MMP16: variants seen among roughly 807,000 people sequenced by gnomAD.
The protein encoded by MMP16 is matrix metalloproteinase-16.
Under a neutral mutation model 67.8 loss-of-function variants are expected in MMP16, and 12 were observed. The ratio of observed to expected loss-of-function variants is 0.18; its 90% CI spans 0.11 to 0.29. The LOEUF is 0.29. Among genes scored for constraint, MMP16 ranks in the 10% least tolerant of loss-of-function variants. The pLI is 1.00. For missense variants in MMP16, 475 were observed against 765.7 expected (o/e 0.62, Z 4.48); for synonymous variants, 249 against 255.9 (o/e 0.97, Z 0.26).
At chr8:88,136,958 T>C (rs1177545634) in intron 4 of MMP16, among the ~76,000 whole-genome samples, 1 of 151,888 alleles carries the variant, frequency 6.6e-6, no homozygotes, top group Non-Finnish European at 1.5e-5. Context: ...AATACATATG[T>C]TTGTGTATGT....
At chr8:88,288,364 T>C (rs1199170110) in intron 1 of MMP16, among the ~76,000 whole-genome samples, 2 of 152,162 alleles carry the variant, frequency 1.3e-5, no homozygotes, top group Non-Finnish European at 2.9e-5. Context: ...TTTCTTTTTT[T>C]TTCCAGAAAA....
chr8:88,138,384 T>C (rs1808157995), intron 4 of MMP16, among the ~76,000 whole-genome samples: 1 of 152,054 alleles, frequency 6.6e-6, no homozygotes, highest in Non-Finnish European at 1.5e-5. Context: ...ACTCTAATTT[T>C]CGTAGCCTCA....
At chr8:88,194,228 A>C (rs1809215519) in intron 2 of MMP16, among the ~76,000 whole-genome samples, 1 of 152,104 alleles carries the variant, frequency 6.6e-6, no homozygotes, top group Admixed American at 6.6e-5. Context: ...TCTGCCAAAA[A>C]AGGATATAAT....
Position 88,151,524 on chromosome 8 carries a change from C to T in MMP16, c.709+16145G>A, listed in dbSNP as rs1470683309. Among the ~76,000 whole-genome samples, 54 of 146,722 alleles carry T rather than the reference C, an allele frequency of 3.7e-4. 1 individual carries two copies. In the Middle Eastern group the frequency reaches 0.024, roughly 67 times the overall value. ...TTATAACAAACTATCTCTCAGACCACAGTGCAATCAAACTAGAACTCAGGA... is the reference window on the plus strand; with the variant it reads ...TTATAACAAACTATCTCTCAGACCATAGTGCAATCAAACTAGAACTCAGGA... On this transcript the variant is annotated intron_variant, in intron 4 of 9. Coordinates refer to ENST00000286614, the MANE Select transcript of MMP16 (RefSeq NM_005941.5).
chr8:88,148,748 T>G (rs1440602372), intron 4 of MMP16, among the ~76,000 whole-genome samples: 2 of 151,718 alleles, frequency 1.3e-5, no homozygotes, highest in Non-Finnish European at 2.9e-5. Flanking sequence ...AAGAAGAATC[T>G]CTGGAATATT....
chr8:88,297,739 A>G (rs1037625400), intron 1 of MMP16, among the ~76,000 whole-genome samples: 6 of 152,228 alleles, frequency 3.9e-5, no homozygotes, highest in African/African-American at 1.4e-4. Context: ...GACTTTAGTT[A>G]GCCAAGTTTC....
intron 9 of MMP16, among the ~76,000 whole-genome samples, chr8:88,046,322 A>G (rs1808198702): frequency 6.6e-6 from 1 of 152,162 alleles, no homozygotes; most frequent in Non-Finnish European, 1.5e-5. Flanking sequence ...TGGCACCTCT[A>G]TCTTCCTTGT....
chr8:88,121,412 G>A (rs1001376635), intron 4 of MMP16, among the ~76,000 whole-genome samples: 3 of 151,952 alleles, frequency 2.0e-5, no homozygotes, highest in Non-Finnish European at 4.4e-5. Flanking sequence ...AACCTTACTT[G>A]CAGCTTCACA....
chr8:88,131,028 A>G (rs1808019477), intron 4 of MMP16, among the ~76,000 whole-genome samples: 1 of 151,780 alleles, frequency 6.6e-6, no homozygotes, highest in African/African-American at 2.4e-5. Context: ...ATTAATGGGA[A>G]GCAGTTGCTT....
intron 3 of MMP16, among the ~76,000 whole-genome samples, chr8:88,174,324 G>T (rs566783646): frequency 2.0e-5 from 3 of 152,186 alleles, no homozygotes; most frequent in Admixed American, 1.3e-4. Context: ...AAGAGAAAAA[G>T]AACTTACTGT....
intron 6 of MMP16, among the ~76,000 whole-genome samples, chr8:88,099,744 C>T (rs1332972070): frequency 6.6e-6 from 1 of 151,834 alleles, no homozygotes; most frequent in African/African-American, 2.4e-5. Context: ...GTTAAAGTAT[C>T]TCTTCCTCAG....
chr8:88,180,741 G>A (rs1443882298), intron 3 of MMP16, among the ~76,000 whole-genome samples: 1 of 151,714 alleles, frequency 6.6e-6, no homozygotes, highest in Non-Finnish European at 1.5e-5. Context: ...ACAAAAAAAA[G>A]AAAAACTATG....
intron 8 of MMP16, among the ~76,000 whole-genome samples, chr8:88,052,368 C>G (rs1333829114): frequency 6.6e-6 from 1 of 152,124 alleles, no homozygotes; most frequent in Non-Finnish European, 1.5e-5. Flanking sequence ...AATCCAAGCC[C>G]TGAGGACAAC....
At chr8:88,136,743 T>C (rs1462471707) in intron 4 of MMP16, among the ~76,000 whole-genome samples, 1 of 151,796 alleles carries the variant, frequency 6.6e-6, no homozygotes, top group Non-Finnish European at 1.5e-5. Flanking sequence ...ACTGAATAAA[T>C]AAATGGTTTA....
chr8:88,266,421 T>C (rs1332901434), intron 1 of MMP16, among the ~76,000 whole-genome samples: 6 of 152,212 alleles, frequency 3.9e-5, no homozygotes, highest in Non-Finnish European at 8.8e-5. Flanking sequence ...AACAGTGTCA[T>C]TGGTGGTTTT....
At chr8:88,105,681 A>G (rs2118393757) in intron 6 of MMP16, among the ~76,000 whole-genome samples, 2 of 151,506 alleles carry the variant, frequency 1.3e-5, no homozygotes, top group East Asian at 3.9e-4. Context: ...GATTCTCAAA[A>G]TCATTCTTGT....
chr8:88,048,776 C>T (rs1808231233), intron 8 of MMP16, among the ~76,000 whole-genome samples: 2 of 152,080 alleles, frequency 1.3e-5, no homozygotes, highest in Non-Finnish European at 2.9e-5. Context: ...AGTGTTTTGC[C>T]AACACATATT....
At chr8:88,265,223 C>CTTTTTTTTTTTTTTTTTT (rs398008661) in intron 1 of MMP16, among the ~76,000 whole-genome samples, 2,880 of 100,586 alleles carry the variant, frequency 0.029, 301 homozygotes, top group Non-Finnish European at 0.035. Flanking sequence ...TGACCATTTC[C>CTTTTTTTTTTTTTTTTTT]TTTTTTTTTT....
At chr8:88,280,402 C>T (rs1810713913) in intron 1 of MMP16, among the ~76,000 whole-genome samples, 1 of 152,010 alleles carries the variant, frequency 6.6e-6, no homozygotes, top group Non-Finnish European at 1.5e-5. Context: ...GAGAACTCAA[C>T]CCATGCTACT....
Sources: allele counts gnomAD v4.1 joint callset (sites outside exome capture counted in the v4.1 genomes callset), GRCh38; gene constraint gnomAD v4.1.1; transcripts MANE v1.5; gene names NCBI Gene and HGNC (gene_info 2026-07-23, HGNC 2026-07-21).